The following HOXD13 variants were observed in gnomAD, a reference collection of about 807,000 sequenced individuals.
HOXD13 encodes homeobox D13.
Under a neutral mutation model 27.3 loss-of-function variants are expected in HOXD13, and 16 were observed. The observed-to-expected ratio is 0.59, with a 90% CI of 0.40 to 0.89. The LOEUF (loss-of-function observed/expected upper bound fraction) is 0.89. HOXD13 is among the 40% of genes least tolerant of loss of function. The pLI is 0.00. For synonymous variants in HOXD13, 241 were observed against 219.0 expected, an observed-to-expected ratio of 1.10 and a Z score of -0.89; for missense variants, 481 against 482.6, an observed-to-expected ratio of 1.00 and a Z score of 0.03.
Position 176,094,608 on chromosome 2 carries a change from G to A in HOXD13, c.910G>A (p.Asp304Asn). ...TGCCATTAACAAATTCATTAACAAGGACAAGCGGCGGCGTATCTCGGCTGC... is the reference window on the plus strand; with the variant it reads ...TGCCATTAACAAATTCATTAACAAGAACAAGCGGCGGCGTATCTCGGCTGC... Reference protein sequence around the residue: ...EYAINKFINKDKRRRISAATN... With the variant: ...EYAINKFINKNKRRRISAATN... The change falls in exon 2 of 2, where the codon GAC becomes AAC. Residue 304 changes from aspartate to asparagine, a missense_variant. By Grantham distance (23) the Asp-to-Asn change is conservative. Transcript: ENST00000392539. 1.9e-6 allele frequency: 3 copies of A among 1,614,154 alleles called. No individual in the cohort carries two copies. The highest frequency in any genetic ancestry group is 2.5e-6 in the Non-Finnish European group (3 of 1,180,026).
upstream of HOXD13, among the ~76,000 whole-genome samples, chr2:176,090,944 T>A (rs1033270815): frequency 5.3e-5 from 8 of 152,122 alleles, no homozygotes; most frequent in Non-Finnish European, 1.0e-4. Context: ...GTGAAAAAAA[T>A]TTTCTCATCA....
chr2:176,094,903 A>G lies in HOXD13; in HGVS notation c.*173A>G, dbSNP rs138557314. The G allele has an allele frequency of 9.7e-6, 6 of 615,442 alleles. No homozygotes were observed. In the East Asian group the frequency reaches 1.4e-4, roughly 14 times the overall value. 38.1% of individuals were successfully genotyped at this position (615,442 alleles called of 1,614,324 possible). ...TGGCTCTAAAACCTTCTGCTGCCCA[A>G]CCTGACTTTGTAGTTCTGATTTTTA... is the stretch of plus-strand genomic sequence containing the variant. On this transcript the variant is annotated 3_prime_UTR_variant, in exon 2 of 2. Transcript: ENST00000392539.
intron 1 of HOXD13, 87 bp from the exon 2 acceptor site, chr2:176,094,393 A>G: frequency 1.4e-6 from 2 of 1,456,824 alleles, no homozygotes. Flanking sequence ...ACGCACACAC[A>G]CACACACACA....
intron 1 of HOXD13, 145 bp from the exon 2 acceptor site, chr2:176,094,335 A>C: frequency 5.2e-6 from 4 of 772,418 alleles, no homozygotes; most frequent in Non-Finnish European, 8.9e-6. Flanking sequence ...GTACATAATA[A>C]AGACCAAACA....
Position 176,093,165 on chromosome 2 carries a change from C to T in HOXD13, c.275C>T (p.Ser92Phe). The T allele has an allele frequency of 6.2e-7, 1 of 1,608,186 alleles. No individual in the cohort carries two copies. Among genetic ancestry groups the T allele is most frequent in the East Asian group, 2.2e-5 (1 of 44,830 alleles). ...RTGSSSSSSS[S>F]AVVAARPEAP... is the part of the protein sequence containing the mutation. ...GGCTCTTCCTCGTCGTCGTCCTCTT[C>T]TGCCGTTGTAGCGGCGCGCCCGGAG... The change falls in exon 1 of 2, where the codon TCT becomes TTT. Residue 92 changes from serine to phenylalanine, a missense_variant. Ser to Phe is a radical substitution (Grantham distance 155). Coordinates refer to ENST00000392539, the MANE Select transcript of HOXD13 (RefSeq NM_000523.4).
upstream of HOXD13, among the ~76,000 whole-genome samples, chr2:176,090,083 A>AG (rs1283355572): frequency 3.3e-5 from 5 of 152,254 alleles, no homozygotes; most frequent in Non-Finnish European, 7.3e-5. Flanking sequence ...TCATAAACAA[A>AG]GCAGCCCTGA....
In HOXD13 at chr2:176,093,105, C is replaced by T. The variant is rs987876622; in HGVS notation, c.215C>T (p.Ser72Phe). 2 of 1,535,606 alleles carry T rather than the reference C, an allele frequency of 1.3e-6. No homozygotes were observed. The highest frequency in any genetic ancestry group is 1.7e-6 in the Non-Finnish European group (2 of 1,151,860). Residue 72 changes from serine (S) to phenylalanine (F), a missense_variant, in exon 1 of 2, where the codon TCC (serine) becomes TTC (phenylalanine). Ser to Phe is a radical substitution (Grantham distance 155). Coordinates refer to ENST00000392539, the MANE Select transcript of HOXD13 (RefSeq NM_000523.4). ...AAAAAAAAAA[S>F]GFAYPGTSER... ...GCTGCGGCGGCGGCGGCGGCAGCCT[C>T]CGGCTTTGCGTACCCCGGGACCTCT... is the stretch of plus-strand genomic sequence containing the variant.
upstream of HOXD13, among the ~76,000 whole-genome samples, chr2:176,091,948 C>G (rs896962911): frequency 3.9e-5 from 6 of 152,072 alleles, no homozygotes; most frequent in Admixed American, 6.5e-5. Context: ...CGGAAGCACT[C>G]CCGGCTGGCC....
At chr2:176,090,600 G>A (rs1689305453), upstream of HOXD13, among the ~76,000 whole-genome samples, 1 of 152,166 alleles carries the variant, frequency 6.6e-6, no homozygotes, top group African/African-American at 2.4e-5. Context: ...GAAGCCCAAG[G>A]CACAAAACCA....
rs1689367245 is a variant in HOXD13 at position 176,093,664 on chromosome 2, C to T, written c.774C>T (p.Ser258=). Residue 258 remains serine (S), a synonymous_variant, in exon 1 of 2, where the codon TCC becomes TCT. Coordinates refer to ENST00000392539, the MANE Select transcript of HOXD13 (RefSeq NM_000523.4). ...AGGGGTCCCACTTTTGGAAATCTTC[C>T]TTTCCAGGTAGGGGCGATGGAGAAA... The part of the protein sequence containing the change: ...QPQGSHFWKS[S]FPGDVALNQP... The T allele has an allele frequency of 6.3e-7, 1 of 1,589,266 alleles. No individual in the cohort carries two copies. Among genetic ancestry groups the T allele is most frequent in the Non-Finnish European group, 8.6e-7 (1 of 1,164,408 alleles).
At chr2:176,089,561 G>A (rs892107509), upstream of HOXD13, among the ~76,000 whole-genome samples, 1 of 152,184 alleles carries the variant, frequency 6.6e-6, no homozygotes, top group Non-Finnish European at 1.5e-5. Context: ...TTGGCAAGCA[G>A]AGCAACTTCA....
upstream of HOXD13, among the ~76,000 whole-genome samples, chr2:176,088,220 G>A (rs893159955): frequency 6.6e-6 from 1 of 152,254 alleles, no homozygotes; most frequent in African/African-American, 2.4e-5. Flanking sequence ...GGTTTCCACG[G>A]GTGCAGGTTT....
In HOXD13 at chr2:176,095,102, T is replaced by C; in HGVS notation, c.*372T>C. On this transcript the variant is annotated 3_prime_UTR_variant, in exon 2 of 2. Transcript: ENST00000392539. ...TAAGGGTTTTTTTAAAAAATTACTT[T>C]ATTTGTTCATTCCCAGCACTGATTA... 1 of 357,894 alleles carries C rather than the reference T, an allele frequency of 2.8e-6. No individual in the cohort carries two copies. Among genetic ancestry groups the C allele is most frequent in the Non-Finnish European group, 5.2e-6 (1 of 192,466 alleles). The allele number at this position is 357,894 out of a possible 1,614,324, so 22.2% of individuals were successfully genotyped here.
upstream of HOXD13, among the ~76,000 whole-genome samples, chr2:176,088,264 T>G (rs1026050728): frequency 4.6e-5 from 7 of 152,272 alleles, no homozygotes; most frequent in African/African-American, 1.7e-4. Flanking sequence ...TTTCGAGCCC[T>G]CGGCAGGCCA....
At position 176,095,707 on chromosome 2, in the gene HOXD13, G is replaced by A. The variant is rs1382013495; in HGVS notation, c.*977G>A. The A allele has an allele frequency of 2.7e-5, 6 of 225,730 alleles. No homozygotes were observed. Among genetic ancestry groups the A allele is most frequent in the African/African-American group, 1.3e-4 (6 of 44,856 alleles). The allele number at this position is 225,730 out of a possible 1,614,324, so 14.0% of individuals were successfully genotyped here. On this transcript the variant is annotated 3_prime_UTR_variant, in exon 2 of 2. Coordinates refer to ENST00000392539, the MANE Select transcript of HOXD13 (RefSeq NM_000523.4). ...AGGGGGCCTCGCATGGAGCTGTAAAGCATCTAACAAATATGAAAAATGTGA... is the reference window on the plus strand; with the variant it reads ...AGGGGGCCTCGCATGGAGCTGTAAAACATCTAACAAATATGAAAAATGTGA...
chr2:176,093,786 A>C (rs1171384618), intron 1 of HOXD13, 115 bp downstream of exon 1: 5 of 693,074 alleles, frequency 7.2e-6, no homozygotes, highest in Non-Finnish European at 1.2e-5. Context: ...TGTGCTCCAC[A>C]CGTGACCAGG....
At chr2:176,094,420 C>CAAAA in intron 1 of HOXD13, 60 bp from the exon 2 acceptor site, 1 of 1,550,748 alleles carries the variant, frequency 6.4e-7, no homozygotes, top group African/African-American at 1.4e-5. Flanking sequence ...CACACACAAT[C>CAAAA]CTCAGCTAGG....
rs1459634653 is a variant in HOXD13, at chr2:176,093,125, A to G, written c.235A>G (p.Thr79Ala). 1 of 1,602,232 alleles carries G rather than the reference A, an allele frequency of 6.2e-7. No homozygotes were observed. The highest frequency in any genetic ancestry group is 8.5e-7 in the Non-Finnish European group (1 of 1,178,474). The change falls in exon 1 of 2, where the codon ACC becomes GCC. Residue 79 changes from threonine to alanine, a missense_variant. Transcript: ENST00000392539. Reference sequence around the variant, plus strand: ...AGCCTCCGGCTTTGCGTACCCCGGGACCTCTGAGCGCACGGGCTCTTCCTC... The same window carrying G: ...AGCCTCCGGCTTTGCGTACCCCGGGGCCTCTGAGCGCACGGGCTCTTCCTC... ...AAASGFAYPG[T>A]SERTGSSSSS...
upstream of HOXD13, among the ~76,000 whole-genome samples, chr2:176,087,900 G>A (rs2105375299): frequency 6.6e-6 from 1 of 152,380 alleles, no homozygotes; most frequent in East Asian, 1.9e-4. Context: ...TTCTTGAGCA[G>A]CAGCGGGTCC....
Sources: allele counts gnomAD v4.1 joint callset (sites outside exome capture counted in the v4.1 genomes callset), GRCh38; gene constraint gnomAD v4.1.1; transcripts MANE v1.5; gene names NCBI Gene and HGNC (gene_info 2026-07-23, HGNC 2026-07-21).